The following ZFHX3 variants were observed in gnomAD, a reference collection of about 807,000 sequenced individuals.
The protein encoded by ZFHX3 is zinc finger homeobox protein 3.
A neutral mutation model predicts 279.1 loss-of-function variants in ZFHX3; 42 were observed. The observed-to-expected ratio is 0.15, with a 90% CI of 0.12 to 0.19. The LOEUF (loss-of-function observed/expected upper bound fraction) is 0.19. Ranked by LOEUF, ZFHX3 falls within the 10% of genes least tolerant of loss-of-function variation. The pLI is 1.00. For synonymous variants in ZFHX3, 2,293 were observed against 1,957.8 expected (o/e 1.17, Z -4.52); for missense variants, 4,981 against 4,754.0 (o/e 1.05, Z -1.40).
At chr16:73,430,979 G>T (rs1205175919) in intron 3 of ZFHX3, among the ~76,000 whole-genome samples, 1 of 152,200 alleles carries the variant, frequency 6.6e-6, no homozygotes, top group Non-Finnish European at 1.5e-5. Context: ...AGAACATAAG[G>T]TGTGGATGTT....
chr16:72,814,848 C>T (rs1567529796), intron 5 of ZFHX3, among the ~76,000 whole-genome samples: 1 of 152,146 alleles, frequency 6.6e-6, no homozygotes, highest in South Asian at 2.1e-4. Context: ...TTTATTAGAT[C>T]AAATCTGTCT....
chr16:73,548,173 A>G (rs978992659), intron 2 of ZFHX3, among the ~76,000 whole-genome samples: 3 of 152,218 alleles, frequency 2.0e-5, no homozygotes, highest in Admixed American at 2.0e-4. Flanking sequence ...TAGCCAGAGG[A>G]AAAGATCCTA....
intron 3 of ZFHX3, among the ~76,000 whole-genome samples, chr16:73,372,891 AC>A (rs772328359): frequency 1.1e-4 from 17 of 152,174 alleles, no homozygotes; most frequent in Admixed American, 3.9e-4. Context: ...TCCGAAACAT[AC>A]ACCCTCGCAT....
At chr16:73,545,215 G>A (rs2020089331) in intron 2 of ZFHX3, among the ~76,000 whole-genome samples, 1 of 152,086 alleles carries the variant, frequency 6.6e-6, no homozygotes, top group African/African-American at 2.4e-5. Context: ...GACATCCAGG[G>A]TACCATAAAC....
chr16:73,438,038 GT>G (rs2018025341), intron 3 of ZFHX3, among the ~76,000 whole-genome samples: 1 of 151,850 alleles, frequency 6.6e-6, no homozygotes, highest in Non-Finnish European at 1.5e-5. Context: ...TTCTAATAGA[GT>G]TTGATTTGAA....
Position 73,022,314 on chromosome 16 carries a change from G to A in ZFHX3, c.-50+25438C>T, listed in dbSNP as rs188850350. On this transcript the variant is annotated intron_variant, in intron 1 of 9. Coordinates refer to ENST00000268489, the MANE Select transcript of ZFHX3 (RefSeq NM_006885.4). Reference sequence around the variant, plus strand: ...GAGAAAGCCAGGCTGGGAGAAGCCCGTCTCCCTGAGTCAGGCCTGCAAGCC... The same window carrying A: ...GAGAAAGCCAGGCTGGGAGAAGCCCATCTCCCTGAGTCAGGCCTGCAAGCC... 1.7e-3 allele frequency among the ~76,000 whole-genome samples: 254 copies of A among 152,278 alleles called. 1 individual carries two copies. The highest frequency in any genetic ancestry group is 3.1e-3 in the Admixed American group (48 of 15,302).
intron 5 of ZFHX3, among the ~76,000 whole-genome samples, chr16:73,162,538 G>A (rs1336839672): frequency 6.6e-6 from 1 of 152,184 alleles, no homozygotes; most frequent in Non-Finnish European, 1.5e-5. Flanking sequence ...TCTACGTGAT[G>A]GTGAGCTGTA....
chr16:73,564,756 C>T (rs1013033278), intron 2 of ZFHX3, among the ~76,000 whole-genome samples: 2 of 152,188 alleles, frequency 1.3e-5, no homozygotes, highest in African/African-American at 4.8e-5. Context: ...GGTCTCTACA[C>T]CTAGTGTTCA....
intron 3 of ZFHX3, among the ~76,000 whole-genome samples, chr16:73,376,139 T>C (rs1366715495): frequency 6.6e-6 from 1 of 152,210 alleles, no homozygotes; most frequent in East Asian, 1.9e-4. Context: ...CTTACTCTTT[T>C]GGTTTCTTTT....
chr16:72,787,979 G>A lies in ZFHX3; in HGVS notation c.10297C>T (p.Pro3433Ser), dbSNP rs773508484. ...EQKNTPREVS[P>S]LLPKLPEEPE... Reference sequence around the variant, plus strand: ...TCTTCAGGGAGTTTCGGCAGGAGGGGGGACACCTCACGGGGGGTGTTTTTC... The same window carrying A: ...TCTTCAGGGAGTTTCGGCAGGAGGGAGGACACCTCACGGGGGGTGTTTTTC... The change falls in exon 10 of 10, where the codon CCC (proline) becomes TCC (serine). Residue 3433 changes from proline to serine, a missense_variant. Around this residue, in one of 7 missense-constraint regions of ZFHX3, gnomAD observed 1,034 missense variants for 786.0 expected, o/e 1.32. Transcript: ENST00000268489. 8 of 1,613,818 alleles carry A rather than the reference G, an allele frequency of 5.0e-6. No homozygotes were observed. In the East Asian group the frequency reaches 1.3e-4, roughly 27 times the overall value.
At chr16:73,283,852 G>C (rs533553390) in intron 4 of ZFHX3, among the ~76,000 whole-genome samples, 2 of 152,150 alleles carry the variant, frequency 1.3e-5, no homozygotes, top group Non-Finnish European at 2.9e-5. Context: ...CAGGGGCAGA[G>C]GCAGGAGGCT....
At chr16:73,494,706 C>T (rs1450879591) in intron 2 of ZFHX3, among the ~76,000 whole-genome samples, 5 of 151,332 alleles carry the variant, frequency 3.3e-5, no homozygotes, top group Non-Finnish European at 5.9e-5. Flanking sequence ...ATTATAGGCA[C>T]GCACCACCAT....
intron 1 of ZFHX3, among the ~76,000 whole-genome samples, chr16:73,866,644 G>A (rs1962029538): frequency 6.6e-6 from 1 of 152,194 alleles, no homozygotes; most frequent in South Asian, 2.1e-4. Context: ...TATCTGTCCG[G>A]AATAGATTTG....
intron 2 of ZFHX3, among the ~76,000 whole-genome samples, chr16:73,530,502 T>C (rs73600990): frequency 0.038 from 5,780 of 152,202 alleles, 392 homozygotes; most frequent in African/African-American, 0.13. Context: ...AAAGTTACAA[T>C]AGGCATTTCA....
At chr16:73,376,312 T>C (rs942846973) in intron 3 of ZFHX3, among the ~76,000 whole-genome samples, 1 of 152,222 alleles carries the variant, frequency 6.6e-6, no homozygotes, top group Non-Finnish European at 1.5e-5. Context: ...TTTAAGAAGG[T>C]CATTACCGAC....
chr16:72,983,185 T>TA (rs1381870732), intron 1 of ZFHX3, among the ~76,000 whole-genome samples: 1 of 152,214 alleles, frequency 6.6e-6, no homozygotes, highest in East Asian at 1.9e-4. Context: ...CAATGAGACT[T>TA]ATGAGGCAAC....
At chr16:73,677,934 T>C (rs748094379) in intron 2 of ZFHX3, among the ~76,000 whole-genome samples, 12 of 152,094 alleles carry the variant, frequency 7.9e-5, no homozygotes, top group Non-Finnish European at 1.8e-4. Flanking sequence ...AGACACTCTA[T>C]GTCCTCCAAT....
intron 5 of ZFHX3, among the ~76,000 whole-genome samples, chr16:73,174,430 T>C (rs1967613078): frequency 1.3e-5 from 2 of 152,210 alleles, no homozygotes; most frequent in South Asian, 2.1e-4. Flanking sequence ...AAGGAATCTA[T>C]TCCGCGACTC....
At chr16:73,765,215 C>A (rs995688470) in intron 1 of ZFHX3, among the ~76,000 whole-genome samples, 1 of 152,000 alleles carries the variant, frequency 6.6e-6, no homozygotes, top group African/African-American at 2.4e-5. Context: ...CCCAAGCAAC[C>A]GAAGTCACTA....
Sources: allele counts gnomAD v4.1 joint callset (sites outside exome capture counted in the v4.1 genomes callset), GRCh38; gene constraint gnomAD v4.1.1; regional missense constraint gnomAD v4.1.1; transcripts MANE v1.5; gene names NCBI Gene and HGNC (gene_info 2026-07-23, HGNC 2026-07-21).